Variants in SLC24A2 observed in about 807,000 individuals in gnomAD.
SLC24A2 encodes the protein solute carrier family 24 member 2.
A neutral mutation model predicts 62.0 loss-of-function variants in SLC24A2; 36 were observed. The ratio of observed to expected loss-of-function variants is 0.58; its 90% CI spans 0.44 to 0.77. The LOEUF (loss-of-function observed/expected upper bound fraction) is 0.77, where lower values mean the gene tolerates loss of function less well. SLC24A2 is among the 30% of genes least tolerant of loss of function. The probability of loss-of-function intolerance (pLI) is 0.00; values close to 1 mark genes in which losing one functional copy is unlikely to be tolerated. For missense variants in SLC24A2, 846 were observed against 817.9 expected, an observed-to-expected ratio of 1.03 and a Z score of -0.42; for synonymous variants, 358 against 294.0, an observed-to-expected ratio of 1.22 and a Z score of -2.23.
the SLC24A2 span, among the ~76,000 whole-genome samples, chr9:19,830,212 A>G: frequency 6.6e-6 from 1 of 152,196 alleles, no homozygotes; most frequent in African/African-American, 2.4e-5. Flanking sequence ...TTTTATGGCT[A>G]AAAGAAATTG....
At chr9:19,854,517 A>G in the SLC24A2 span, among the ~76,000 whole-genome samples, 1 of 152,184 alleles carries the variant, frequency 6.6e-6, no homozygotes, top group Admixed American at 6.5e-5. Context: ...TTAGTTTCAA[A>G]GAACTTCTTG....
chr9:19,672,380 G>A lies in SLC24A2; in HGVS notation c.931-50081C>T, dbSNP rs890158869. Among the ~76,000 whole-genome samples the A allele has an allele frequency of 1.2e-4, 17 of 146,512 alleles. 1 individual carries two copies. The highest frequency in any genetic ancestry group is 3.5e-4 in the African/African-American group (13 of 37,150). ...AATCTTTTGTCTTTCTGTGGTATCC[G>A]TTGTAATAGCTCCTGTTTTGTTTCT... On this transcript the variant is annotated intron_variant, in intron 2 of 10. Coordinates refer to ENST00000341998, the MANE Select transcript of SLC24A2 (RefSeq NM_020344.4).
chr9:19,685,989 A>C (rs1403887797), intron 2 of SLC24A2, among the ~76,000 whole-genome samples: 1 of 152,162 alleles, frequency 6.6e-6, no homozygotes, highest in Admixed American at 6.5e-5. Context: ...GACAACCTAC[A>C]TAATGGGAAA....
chr9:20,269,052 A>G, the SLC24A2 span, among the ~76,000 whole-genome samples: 1 of 152,172 alleles, frequency 6.6e-6, no homozygotes, highest in African/African-American at 2.4e-5. Flanking sequence ...AGGATGCAAT[A>G]TTTCCTGCTT....
chr9:19,814,541 G>A, the SLC24A2 span, among the ~76,000 whole-genome samples: 2 of 152,172 alleles, frequency 1.3e-5, no homozygotes, highest in African/African-American at 4.8e-5. Flanking sequence ...GACTTGGAGA[G>A]AATGTGCTAA....
the SLC24A2 span, among the ~76,000 whole-genome samples, chr9:20,260,711 G>C: frequency 4.6e-5 from 7 of 152,084 alleles, no homozygotes; most frequent in Admixed American, 2.0e-4. Context: ...ACATGAATAA[G>C]TTCTTTAGCA....
intron 2 of SLC24A2, among the ~76,000 whole-genome samples, chr9:19,746,218 G>A (rs547415501): frequency 2.6e-5 from 4 of 151,742 alleles, no homozygotes; most frequent in South Asian, 4.2e-4. Context: ...CAGTGCCTAC[G>A]ACAACTTTCC....
At chr9:20,057,538 T>C in the SLC24A2 span, among the ~76,000 whole-genome samples, 1 of 152,126 alleles carries the variant, frequency 6.6e-6, no homozygotes, top group Non-Finnish European at 1.5e-5. Context: ...TGGAGATAAA[T>C]AGAAACAAAA....
chr9:19,531,347 G>GA (rs902947664), intron 8 of SLC24A2, among the ~76,000 whole-genome samples: 8 of 152,206 alleles, frequency 5.3e-5, no homozygotes. Flanking sequence ...TTGGAAGGAA[G>GA]AAAATAGCTC....
the SLC24A2 span, among the ~76,000 whole-genome samples, chr9:19,918,636 T>C: frequency 6.6e-6 from 1 of 152,104 alleles, no homozygotes; most frequent in East Asian, 1.9e-4. Context: ...TTGCGTGTGT[T>C]TCCCCAGACT....
intron 4 of SLC24A2, among the ~76,000 whole-genome samples, chr9:19,609,127 G>A (rs1587030628): frequency 6.6e-6 from 1 of 152,240 alleles, no homozygotes; most frequent in Admixed American, 6.5e-5. Flanking sequence ...AGTGCTCACT[G>A]TGTCCAGTGC....
At chr9:19,947,943 C>T in the SLC24A2 span, among the ~76,000 whole-genome samples, 1 of 152,106 alleles carries the variant, frequency 6.6e-6, no homozygotes, top group Admixed American at 6.5e-5. Flanking sequence ...TGGTGCCAGG[C>T]CACAGCAATA....
At chr9:20,096,068 T>C in the SLC24A2 span, among the ~76,000 whole-genome samples, 25 of 149,778 alleles carry the variant, frequency 1.7e-4, no homozygotes, top group African/African-American at 6.0e-4. Flanking sequence ...ACCATATCTG[T>C]ATCCATCCAT....
chr9:19,837,342 C>A, the SLC24A2 span, among the ~76,000 whole-genome samples: 12 of 150,754 alleles, frequency 8.0e-5, no homozygotes, highest in Non-Finnish European at 1.0e-4. Flanking sequence ...GTCCCAGCTA[C>A]TCGGGAGGCT....
chr9:20,043,248 A>G, the SLC24A2 span, among the ~76,000 whole-genome samples: 37 of 152,358 alleles, frequency 2.4e-4, no homozygotes, highest in Admixed American at 4.6e-4. Context: ...AGTGAGCAAA[A>G]GAACGAAAAG....
At chr9:20,297,464 A>G in the SLC24A2 span, among the ~76,000 whole-genome samples, 2 of 152,190 alleles carry the variant, frequency 1.3e-5, no homozygotes, top group Non-Finnish European at 2.9e-5. Context: ...GGAGGAAGGA[A>G]TATAAACTGG....
At chr9:19,987,507 C>A in the SLC24A2 span, among the ~76,000 whole-genome samples, 1 of 152,052 alleles carries the variant, frequency 6.6e-6, no homozygotes, top group Non-Finnish European at 1.5e-5. Flanking sequence ...ATTCCAGAGC[C>A]AAAATCTGTC....
At chr9:19,561,681 C>T (rs557456578) in intron 7 of SLC24A2, among the ~76,000 whole-genome samples, 9 of 151,028 alleles carry the variant, frequency 6.0e-5, no homozygotes, top group Non-Finnish European at 8.9e-5. Flanking sequence ...CCACCTGCCT[C>T]GGCCTCCCAA....
chr9:19,776,609 G>A (rs569132726), intron 2 of SLC24A2, among the ~76,000 whole-genome samples: 37 of 152,248 alleles, frequency 2.4e-4, no homozygotes, highest in African/African-American at 8.7e-4. Context: ...TCCCATGCAC[G>A]TTGTTCTTCC....
Sources: allele counts gnomAD v4.1 joint callset (sites outside exome capture counted in the v4.1 genomes callset), GRCh38; gene constraint gnomAD v4.1.1; transcripts MANE v1.5; gene names NCBI Gene and HGNC (gene_info 2026-07-23, HGNC 2026-07-21).